CLDN18: variants seen among roughly 807,000 people sequenced by gnomAD.
CLDN18 encodes claudin-18.
Under a neutral mutation model 25.0 loss-of-function variants are expected in CLDN18, and 20 were observed. The observed-to-expected ratio is 0.80, with a 90% CI of 0.56 to 1.16. The LOEUF (loss-of-function observed/expected upper bound fraction) is 1.16, where lower values mean the gene tolerates loss of function less well. CLDN18 is among the 50% of genes most tolerant of loss of function. The pLI is 0.00. For missense variants in CLDN18, 297 were observed against 345.4 expected, an observed-to-expected ratio of 0.86 and a Z score of 1.11; for synonymous variants, 125 against 135.6, an observed-to-expected ratio of 0.92 and a Z score of 0.54.
upstream of CLDN18, among the ~76,000 whole-genome samples, chr3:138,009,623 G>A (rs1942107001): frequency 6.6e-6 from 1 of 152,152 alleles, no homozygotes; most frequent in East Asian, 1.9e-4. Context: ...CAGGCACTGG[G>A]ACAAGTCCCT....
chr3:138,010,696 A>G (rs1029628647), intron 1 of CLDN18, among the ~76,000 whole-genome samples: 1 of 152,232 alleles, frequency 6.6e-6, no homozygotes, highest in African/African-American at 2.4e-5. Context: ...GAATGGGTCT[A>G]TTGTAAGGGT....
chr3:138,026,455 G>A (rs892549251), intron 3 of CLDN18, among the ~76,000 whole-genome samples: 2 of 152,196 alleles, frequency 1.3e-5, no homozygotes, highest in South Asian at 4.1e-4. Context: ...AGACCAGCCT[G>A]GTCAATATGG....
chr3:138,019,322 A>G (rs888187283), intron 1 of CLDN18, among the ~76,000 whole-genome samples: 1 of 152,162 alleles, frequency 6.6e-6, no homozygotes, highest in African/African-American at 2.4e-5. Context: ...AGCCTCTCCC[A>G]TATTATTCTC....
upstream of CLDN18, among the ~76,000 whole-genome samples, chr3:138,007,257 T>C (rs905762970): frequency 5.9e-5 from 9 of 152,218 alleles, no homozygotes; most frequent in Non-Finnish European, 4.4e-5. Context: ...CATATGTTTA[T>C]TGCAGCACGA....
chr3:138,019,455 T>G lies in CLDN18; in HGVS notation c.221-4203T>G, dbSNP rs572716313. 3.8e-3 allele frequency among the ~76,000 whole-genome samples: 572 copies of G among 152,222 alleles called. 3 individuals carry two copies. The highest frequency in any genetic ancestry group is 0.013 in the African/African-American group (553 of 41,536). On this transcript the variant is annotated intron_variant, in intron 1 of 4. Coordinates refer to ENST00000183605, the MANE Select transcript of CLDN18 (RefSeq NM_016369.4). The stretch of plus-strand genomic sequence containing the variant: ...AAGCTATGCCTGAAGGTATGGCTCC[T>G]CCCATCCGCCTACTCCACCAGGGCC...
chr3:138,010,482 C>A (rs78868067), intron 1 of CLDN18, 37 bp downstream of exon 1: 7 of 1,611,012 alleles, frequency 4.3e-6, no homozygotes, highest in Non-Finnish European at 5.9e-6. Context: ...GCCAGGTGAA[C>A]CAGGTGAGCA....
intron 3 of CLDN18, 106 bp from the exon 4 acceptor site, chr3:138,029,691 G>A (rs932656779): frequency 9.0e-6 from 6 of 665,796 alleles, no homozygotes; most frequent in Non-Finnish European, 1.6e-5. Flanking sequence ...AGGGATGGAT[G>A]TGGAATCCAA....
chr3:138,023,969 G>T, intron 2 of CLDN18, 147 bp downstream of exon 2: 1 of 788,884 alleles, frequency 1.3e-6, no homozygotes, highest in Admixed American at 2.8e-5. Flanking sequence ...GTCCAATTGT[G>T]TATCATGAGT....
intron 1 of CLDN18, among the ~76,000 whole-genome samples, chr3:138,015,585 T>C (rs887306435): frequency 5.3e-5 from 8 of 152,304 alleles, no homozygotes; most frequent in Admixed American, 3.3e-4. Context: ...ATCATAATTA[T>C]CACTGGGTAC....
At chr3:138,010,013 C>G, upstream of CLDN18, 1 of 771,382 alleles carries the variant, frequency 1.3e-6, no homozygotes, top group Non-Finnish European at 2.0e-6. Flanking sequence ...CAGACAAGTG[C>G]CTCTTGGGCC....
intron 1 of CLDN18, among the ~76,000 whole-genome samples, chr3:138,000,100 A>T (rs1188457679): frequency 6.6e-6 from 1 of 152,208 alleles, no homozygotes; most frequent in Non-Finnish European, 1.5e-5. Flanking sequence ...TAACAACAGA[A>T]GACTTGAATC....
At chr3:138,004,047 G>A (rs745487236) in intron 1 of CLDN18, among the ~76,000 whole-genome samples, 3 of 152,126 alleles carry the variant, frequency 2.0e-5, no homozygotes, top group South Asian at 2.1e-4. Context: ...GGTGGTGCAC[G>A]CCTGTAGTCC....
intron 1 of CLDN18, among the ~76,000 whole-genome samples, chr3:138,000,246 G>A (rs527977381): frequency 1.3e-5 from 2 of 152,302 alleles, no homozygotes; most frequent in Admixed American, 1.3e-4. Context: ...TGCCAAGTGA[G>A]GGAGACAGAG....
At chr3:138,024,167 TAAAAAA>T (rs1176561423) in intron 2 of CLDN18, among the ~76,000 whole-genome samples, 3 of 142,504 alleles carry the variant, frequency 2.1e-5, no homozygotes, top group Non-Finnish European at 3.1e-5. Context: ...ATTTTTTTAT[TAAAAAA>T]AAAAAACTTA....
At chr3:138,007,127 C>G (rs571398508), upstream of CLDN18, among the ~76,000 whole-genome samples, 1 of 152,242 alleles carries the variant, frequency 6.6e-6, no homozygotes, top group East Asian at 1.9e-4. Context: ...AATTGAACAT[C>G]TGAAAATCAA....
intron 1 of CLDN18, among the ~76,000 whole-genome samples, chr3:138,001,350 C>T (rs1444240026): frequency 6.6e-6 from 1 of 150,886 alleles, no homozygotes; most frequent in Non-Finnish European, 1.5e-5. Flanking sequence ...GGGTCCTGGA[C>T]TAACAACAGC....
At chr3:138,008,595 T>A (rs545730012), upstream of CLDN18, among the ~76,000 whole-genome samples, 9 of 147,764 alleles carry the variant, frequency 6.1e-5, no homozygotes, top group South Asian at 2.0e-3. Context: ...AGAGTGAGAC[T>A]CCCTCTCAAA....
At position 138,032,295 on chromosome 3, in the gene CLDN18, T is replaced by C. The variant is rs1942407068; in HGVS notation, c.*1154T>C. The C allele has an allele frequency of 6.6e-6, 1 of 151,908 alleles. No individual in the cohort carries two copies. Among genetic ancestry groups the C allele is most frequent in the African/African-American group, 2.4e-5 (1 of 41,304 alleles). 9.4% of individuals were successfully genotyped at this position (151,908 alleles called of 1,614,324 possible). A position where few individuals can be genotyped will look rare whatever the true frequency, so the allele number is the denominator to read the frequency against. ...AAAAAATCAGCCAGTCATGGTGGCC[T>C]ACACCTGTAGTCCCAGCATTCCGGG... On this transcript the variant is annotated 3_prime_UTR_variant, in exon 5 of 5. Transcript: ENST00000183605.
exon 1 of CLDN18, chr3:137,998,874 C>T (rs770080182): frequency 1.2e-5 from 20 of 1,614,042 alleles, no homozygotes; most frequent in Admixed American, 5.0e-5. Flanking sequence ...CCACCATGGC[C>T]GTGACTGCCT....
Sources: allele counts gnomAD v4.1 joint callset (sites outside exome capture counted in the v4.1 genomes callset), GRCh38; gene constraint gnomAD v4.1.1; transcripts MANE v1.5; gene names NCBI Gene and HGNC (gene_info 2026-07-23, HGNC 2026-07-21).